Variants in EXTL3 observed in about 807,000 individuals in gnomAD.
EXTL3 encodes the protein exostosin-like 3.
Under a neutral mutation model 69.3 loss-of-function variants are expected in EXTL3, and 27 were observed. The ratio of observed to expected loss-of-function variants is 0.39; its 90% CI spans 0.29 to 0.54. The LOEUF is 0.54. Among genes scored for constraint, EXTL3 ranks in the 20% least tolerant of loss-of-function variants. The pLI, the probability that EXTL3 is intolerant of heterozygous loss-of-function variation, is 0.69. For synonymous variants in EXTL3, 511 were observed against 499.4 expected (o/e 1.02, Z -0.31); for missense variants, 1,003 against 1,231.8 (o/e 0.81, Z 2.78).
chr8:28,708,749 C>T (rs1340905315), intron 1 of EXTL3, among the ~76,000 whole-genome samples: 3 of 152,104 alleles, frequency 2.0e-5, no homozygotes, highest in East Asian at 1.9e-4. Flanking sequence ...CTGTAGAACC[C>T]GCACCTGGGT....
intron 6 of EXTL3, among the ~76,000 whole-genome samples, chr8:28,746,418 G>C (rs549270342): frequency 2.9e-4 from 44 of 152,090 alleles, no homozygotes; most frequent in Non-Finnish European, 5.6e-4. Flanking sequence ...TGAACGTCTT[G>C]GTTCTCTGGG....
chr8:28,629,882 C>T (rs760464089), intron 1 of EXTL3, among the ~76,000 whole-genome samples: 1 of 152,042 alleles, frequency 6.6e-6, no homozygotes, highest in Non-Finnish European at 1.5e-5. Context: ...GAGAGCTATT[C>T]AGAGATAAGC....
chr8:28,642,906 G>C (rs1012013968), intron 1 of EXTL3, among the ~76,000 whole-genome samples: 1 of 151,782 alleles, frequency 6.6e-6, no homozygotes, highest in African/African-American at 2.4e-5. Context: ...ATGTTGAGTA[G>C]ATGCAAAAGA....
At chr8:28,657,263 T>C (rs1807026410) in intron 1 of EXTL3, among the ~76,000 whole-genome samples, 1 of 152,198 alleles carries the variant, frequency 6.6e-6, no homozygotes, top group Non-Finnish European at 1.5e-5. Flanking sequence ...CTTTAGCAAG[T>C]ATAAGGAAGA....
intron 4 of EXTL3, among the ~76,000 whole-genome samples, chr8:28,732,389 A>T (rs1015321292): frequency 6.6e-6 from 1 of 152,136 alleles, no homozygotes; most frequent in Non-Finnish European, 1.5e-5. Context: ...TTTTTTTACA[A>T]CATTTCTTCA....
At chr8:28,718,310 G>A (rs1801212004) in intron 3 of EXTL3, 103 bp downstream of exon 3, 1 of 1,145,176 alleles carries the variant, frequency 8.7e-7, no homozygotes, top group Non-Finnish European at 1.3e-6. Context: ...TTCTAGCAGA[G>A]GAGAATACAT....
upstream of EXTL3, chr8:28,701,152 G>C (rs974767982): frequency 2.0e-5 from 3 of 152,252 alleles, no homozygotes; most frequent in Admixed American, 2.0e-4. Context: ...GACTTTCCCG[G>C]GGCCGGCGCC....
intron 1 of EXTL3, among the ~76,000 whole-genome samples, chr8:28,686,515 C>T (rs1381658962): frequency 6.6e-6 from 1 of 152,024 alleles, no homozygotes; most frequent in East Asian, 1.9e-4. Flanking sequence ...CATGAAGTGG[C>T]TGGCAAAAAG....
At chr8:28,726,455 A>C (rs1002797882) in intron 3 of EXTL3, among the ~76,000 whole-genome samples, 2 of 152,292 alleles carry the variant, frequency 1.3e-5, no homozygotes, top group South Asian at 4.1e-4. Flanking sequence ...TTTTGCGGCT[A>C]TAGGGAAAAG....
At chr8:28,743,324 T>G in intron 6 of EXTL3, 110 bp downstream of exon 6, 2 of 1,212,012 alleles carry the variant, frequency 1.7e-6, no homozygotes, top group Non-Finnish European at 1.2e-6. Flanking sequence ...ATTTGTACAA[T>G]AGGGATGATA....
intron 1 of EXTL3, among the ~76,000 whole-genome samples, chr8:28,640,129 C>G (rs1423634936): frequency 6.6e-6 from 1 of 152,050 alleles, no homozygotes; most frequent in Non-Finnish European, 1.5e-5. Flanking sequence ...ATCCATACCC[C>G]TCTGCAGACT....
intron 1 of EXTL3, among the ~76,000 whole-genome samples, chr8:28,635,546 C>CAAA (rs1214659044): frequency 8.6e-6 from 1 of 115,900 alleles, no homozygotes; most frequent in African/African-American, 2.9e-5. Context: ...CTAAAAAATA[C>CAAA]AAAAAAAAAA....
chr8:28,743,259 C>G (rs1801817046), intron 6 of EXTL3, 45 bp downstream of exon 6: 1 of 1,612,748 alleles, frequency 6.2e-7, no homozygotes, highest in South Asian at 1.1e-5. Flanking sequence ...TGCATGTTTA[C>G]TTCACTTGTT....
At position 28,663,517 on chromosome 8, in the gene EXTL3, T is replaced by C. The variant is rs529377165; in HGVS notation, c.-53+40707T>C. ...GCCACGCTAGAGTACAGTGGCGTGA[T>C]CTTGGCTCACCGCAACCTCCACCTC... is the stretch of plus-strand genomic sequence containing the variant. On this transcript the variant is annotated intron_variant, in intron 1 of 6. Coordinates refer to the EXTL3 transcript ENST00000523149. Among the ~76,000 whole-genome samples the C allele has an allele frequency of 5.3e-5, 8 of 152,242 alleles. No individual in the cohort carries two copies. The South Asian group carries it at 1.7e-3, about 32-fold the overall frequency.
intron 6 of EXTL3, among the ~76,000 whole-genome samples, chr8:28,746,837 C>T (rs1487330714): frequency 1.3e-5 from 2 of 151,948 alleles, no homozygotes; most frequent in African/African-American, 2.4e-5. Context: ...CACCACGCCC[C>T]GCTAATTTTT....
chr8:28,690,106 A>G (rs1563205268), intron 1 of EXTL3, among the ~76,000 whole-genome samples: 1 of 152,242 alleles, frequency 6.6e-6, no homozygotes, highest in East Asian at 1.9e-4. Context: ...TCTATTGGTC[A>G]ATAACAAATT....
At chr8:28,690,521 GGTTT>G (rs1370374884) in intron 1 of EXTL3, among the ~76,000 whole-genome samples, 1 of 152,148 alleles carries the variant, frequency 6.6e-6, no homozygotes, top group African/African-American at 2.4e-5. Flanking sequence ...TACATGTGCA[GGTTT>G]GTTGTAGTAA....
intron 1 of EXTL3, among the ~76,000 whole-genome samples, chr8:28,650,174 T>A (rs775513807): frequency 5.8e-4 from 77 of 133,132 alleles, no homozygotes; most frequent in Admixed American, 1.2e-3. Context: ...CCAGCCGGGG[T>A]GACAGAGTGA....
At chr8:28,636,020 G>A (rs976007769) in intron 1 of EXTL3, among the ~76,000 whole-genome samples, 7 of 151,934 alleles carry the variant, frequency 4.6e-5, no homozygotes, top group African/African-American at 9.7e-5. Context: ...GCCCCCGGCC[G>A]AGGATAGAAT....
Sources: allele counts gnomAD v4.1 joint callset (sites outside exome capture counted in the v4.1 genomes callset), GRCh38; gene constraint gnomAD v4.1.1; transcripts MANE v1.5; gene names NCBI Gene and HGNC (gene_info 2026-07-23, HGNC 2026-07-21).